DIAPH3: variants seen among roughly 807,000 people sequenced by gnomAD.
DIAPH3 encodes the protein diaphanous related formin 3.
Under a neutral mutation model 144.3 loss-of-function variants are expected in DIAPH3, and 117 were observed. That is an observed-to-expected ratio of 0.81 (90% CI 0.70 to 0.95). The LOEUF (loss-of-function observed/expected upper bound fraction) is 0.95, where lower values mean the gene tolerates loss of function less well. Ranked by LOEUF, DIAPH3 falls within the 40% of genes least tolerant of loss-of-function variation. The probability of loss-of-function intolerance (pLI) is 0.00; values close to 1 mark genes in which losing one functional copy is unlikely to be tolerated. For missense variants in DIAPH3, 1,421 were observed against 1,412.7 expected, an observed-to-expected ratio of 1.01 and a Z score of -0.09; for synonymous variants, 519 against 488.9, an observed-to-expected ratio of 1.06 and a Z score of -0.81.
intron 27 of DIAPH3, among the ~76,000 whole-genome samples, chr13:59,726,659 C>T (rs1030377600): frequency 2.0e-5 from 3 of 152,164 alleles, no homozygotes; most frequent in Non-Finnish European, 4.4e-5. Flanking sequence ...AAGAGGGGCT[C>T]AGATGGCTGA....
At position 59,983,779 on chromosome 13, in the gene DIAPH3, G is replaced by C. The variant is rs777243617; in HGVS notation, c.1470C>G (p.Thr490=). The C allele has an allele frequency of 3.8e-6, 6 of 1,593,632 alleles. No individual in the cohort carries two copies. The highest frequency in any genetic ancestry group is 5.2e-6 in the Non-Finnish European group (6 of 1,163,000). ...TYRKRLDLDL[T]QFVDICIDQA... is the part of the protein sequence containing the mutation. Reference sequence around the variant, plus strand: ...ATAATAAATACTCACCTACAAACTGGGTTAAATCTAAATCTAGTCTTTTTC... The same window carrying C: ...ATAATAAATACTCACCTACAAACTGCGTTAAATCTAAATCTAGTCTTTTTC... The change falls in exon 13 of 28, where the codon ACC becomes ACG. Residue 490 remains threonine, a synonymous_variant. Coordinates refer to ENST00000400324, the MANE Select transcript of DIAPH3 (RefSeq NM_001042517.2).
Position 59,833,211 on chromosome 13 carries a change from C to G in DIAPH3, c.2923G>C (p.Glu975Gln). The G allele has an allele frequency of 6.2e-7, 1 of 1,610,014 alleles. No homozygotes were observed. The highest frequency in any genetic ancestry group is 8.5e-7 in the Non-Finnish European group (1 of 1,177,634). ...CCTATTATACTCTGGTATAACTTTT[C>G]CATGTTTTCGTGTAACTTCGAAAGT... ...ETLSKLHENMEKLYQSIIGYY... is the reference protein window; with the variant it reads ...ETLSKLHENMQKLYQSIIGYY... The change falls in exon 24 of 28, where the codon GAA (glutamate) becomes CAA (glutamine). Residue 975 changes from glutamate (E) to glutamine (Q), a missense_variant. Physicochemically the swap from Glu to Gln is conservative, Grantham distance 29. Transcript: ENST00000400324.
At chr13:59,965,539 TAAAA>T (rs34273562) in intron 17 of DIAPH3, among the ~76,000 whole-genome samples, 471 of 145,226 alleles carry the variant, frequency 3.2e-3, no homozygotes, top group Admixed American at 4.0e-3. Context: ...TCCAATCTGG[TAAAA>T]AAAAAAAAAA....
At chr13:60,116,601 A>C (rs1566790356) in intron 2 of DIAPH3, among the ~76,000 whole-genome samples, 2 of 152,006 alleles carry the variant, frequency 1.3e-5, no homozygotes, top group East Asian at 1.9e-4. Flanking sequence ...CAAAAAAAAA[A>C]CCCAGTGTAA....
intron 27 of DIAPH3, among the ~76,000 whole-genome samples, chr13:59,733,014 G>A (rs1296012045): frequency 6.6e-6 from 1 of 151,976 alleles, no homozygotes; most frequent in Non-Finnish European, 1.5e-5. Context: ...TGTGTATGTA[G>A]TGGGTCTTAG....
chr13:60,049,072 A>G (rs988337561), intron 4 of DIAPH3, among the ~76,000 whole-genome samples: 5 of 152,238 alleles, frequency 3.3e-5, no homozygotes, highest in African/African-American at 1.2e-4. Flanking sequence ...ACAATGAAAT[A>G]CTATGCAGCA....
rs370697199 is a variant in DIAPH3 at position 60,042,540 on chromosome 13, G to T, written c.626+150C>A. 4 of 942,092 alleles carry T rather than the reference G, an allele frequency of 4.2e-6. No individual in the cohort carries two copies. In the South Asian group the frequency reaches 4.4e-5, roughly 10 times the overall value. The allele number at this position is 942,092 out of a possible 1,614,324, so 58.4% of individuals were successfully genotyped here. A position where few individuals can be genotyped will look rare whatever the true frequency, so the allele number is the denominator to read the frequency against. On this transcript the variant is annotated intron_variant, in intron 5 of 27. Coordinates refer to ENST00000400324, the MANE Select transcript of DIAPH3 (RefSeq NM_001042517.2). Reference sequence around the variant, plus strand: ...TAATAAATGCAAAAGGTACTATTGAGACTATATTTCTTCCTGCATATAAAT... The same window carrying T: ...TAATAAATGCAAAAGGTACTATTGATACTATATTTCTTCCTGCATATAAAT...
In DIAPH3 at chr13:59,916,175, A is replaced by T. The variant is rs778021540; in HGVS notation, c.2245T>A (p.Leu749Met). ...TTTACCTGAATCATAGACTCTGCCA[A>T]CCGTGTTTCATCTACTTCCAATATC... ...MMILEVDETR[L>M]AESMIQNLIK... is the part of the protein sequence containing the mutation. Residue 749 changes from leucine (L) to methionine (M), a missense_variant, in exon 19 of 28, where the codon TTG becomes ATG. Transcript: ENST00000400324. 17 of 1,613,220 alleles carry T rather than the reference A, an allele frequency of 1.1e-5. No homozygotes were observed. The Admixed American group carries it at 2.8e-4, about 27-fold the overall frequency.
chr13:59,952,905 T>C (rs2049172930), intron 17 of DIAPH3, among the ~76,000 whole-genome samples: 1 of 152,162 alleles, frequency 6.6e-6, no homozygotes, highest in Non-Finnish European at 1.5e-5. Flanking sequence ...TAGGTGCTTG[T>C]GATACATCAG....
At chr13:59,734,918 A>C (rs1362149074) in intron 27 of DIAPH3, among the ~76,000 whole-genome samples, 1 of 152,228 alleles carries the variant, frequency 6.6e-6, no homozygotes, top group Non-Finnish European at 1.5e-5. Context: ...ACACCACAGA[A>C]GACTCCTATT....
chr13:60,067,374 T>A (rs1286477173), intron 4 of DIAPH3, among the ~76,000 whole-genome samples: 1 of 152,132 alleles, frequency 6.6e-6, no homozygotes, highest in Non-Finnish European at 1.5e-5. Context: ...ATTTATTAAG[T>A]CAAATATATA....
intron 4 of DIAPH3, among the ~76,000 whole-genome samples, chr13:60,073,561 T>G (rs2057284234): frequency 1.3e-5 from 2 of 152,230 alleles, no homozygotes. Context: ...TTCATATATT[T>G]TAATGTAGTA....
intron 20 of DIAPH3, among the ~76,000 whole-genome samples, chr13:59,898,155 AAG>A (rs2046232101): frequency 6.8e-6 from 1 of 147,378 alleles, no homozygotes; most frequent in Non-Finnish European, 1.5e-5. Context: ...AAAAAAAAAA[AAG>A]AAAAAGAAAA....
intron 22 of DIAPH3, among the ~76,000 whole-genome samples, chr13:59,844,362 G>C (rs1318981028): frequency 6.6e-6 from 1 of 151,926 alleles, no homozygotes; most frequent in Non-Finnish European, 1.5e-5. Context: ...AAATTAGCCA[G>C]GCGTGGTGGC....
intron 5 of DIAPH3, among the ~76,000 whole-genome samples, chr13:60,021,814 G>T (rs2054045433): frequency 6.6e-6 from 1 of 152,054 alleles, no homozygotes; most frequent in Admixed American, 6.6e-5. Context: ...AAAGAAGTAA[G>T]AATCTTAATC....
intron 27 of DIAPH3, among the ~76,000 whole-genome samples, chr13:59,717,212 C>A (rs342573): frequency 0.65 from 99,334 of 152,112 alleles, 32,882 homozygotes; most frequent in East Asian, 0.72. Context: ...ATTAAAAAAT[C>A]ATTAAAATGT....
At chr13:60,159,484 G>A (rs1214277881) in intron 1 of DIAPH3, among the ~76,000 whole-genome samples, 2 of 152,014 alleles carry the variant, frequency 1.3e-5, no homozygotes, top group South Asian at 2.1e-4. Context: ...AATTAGCCGG[G>A]CGTAGTGACA....
At chr13:59,784,531 A>C (rs1370619451) in intron 25 of DIAPH3, among the ~76,000 whole-genome samples, 1 of 151,980 alleles carries the variant, frequency 6.6e-6, no homozygotes, top group Non-Finnish European at 1.5e-5. Context: ...ATGTGCCACA[A>C]TGCCTGACTA....
intron 20 of DIAPH3, among the ~76,000 whole-genome samples, chr13:59,905,853 C>A (rs2046708236): frequency 6.6e-6 from 1 of 152,092 alleles, no homozygotes; most frequent in African/African-American, 2.4e-5. Context: ...AATTTTTCCC[C>A]TAGAGCCCTC....
Sources: gnomAD v4.1 joint callset for allele counts (sites outside exome capture counted in the v4.1 genomes callset) on GRCh38, gnomAD v4.1.1 for gene constraint, MANE v1.5 for transcripts, NCBI Gene and HGNC (gene_info 2026-07-23, HGNC 2026-07-21) for gene names.